PDE7B: variants seen among roughly 807,000 people sequenced by gnomAD.
The protein encoded by PDE7B is 3',5'-cyclic-AMP phosphodiesterase 7B.
PDE7B carries 29 observed loss-of-function variants against 56.2 expected under a neutral mutation model. The ratio of observed to expected loss-of-function variants is 0.52; its 90% CI spans 0.38 to 0.70. The LOEUF (loss-of-function observed/expected upper bound fraction) is 0.70, where lower values mean the gene tolerates loss of function less well. Ranked by LOEUF, PDE7B falls within the 30% of genes least tolerant of loss-of-function variation. The pLI, the probability that PDE7B is intolerant of heterozygous loss-of-function variation, is 0.00. For synonymous variants in PDE7B, 197 were observed against 196.9 expected, an observed-to-expected ratio of 1.00 and a Z score of 0.00; for missense variants, 490 against 565.0, an observed-to-expected ratio of 0.87 and a Z score of 1.35.
chr6:136,020,547 C>G (rs529363853), intron 2 of PDE7B, among the ~76,000 whole-genome samples: 1 of 152,156 alleles, frequency 6.6e-6, no homozygotes, highest in South Asian at 2.1e-4. Flanking sequence ...AGACAGGAGA[C>G]TGCTGATTAA....
intron 2 of PDE7B, among the ~76,000 whole-genome samples, chr6:135,948,879 A>T (rs1353341210): frequency 6.8e-6 from 1 of 146,484 alleles, no homozygotes; most frequent in East Asian, 1.9e-4. Flanking sequence ...AGATAGATAG[A>T]TAGATAGATA....
rs151265115 is a variant in PDE7B at position 136,165,844 on chromosome 6, T to C, written c.712-7953T>C. 9.3e-4 allele frequency among the ~76,000 whole-genome samples: 142 copies of C among 152,334 alleles called. 2 individuals are homozygous for C. Among genetic ancestry groups the C allele is most frequent in the East Asian group, 3.1e-3 (16 of 5,188 alleles). On this transcript the variant is annotated intron_variant, in intron 8 of 12. Coordinates refer to ENST00000308191, the MANE Select transcript of PDE7B (RefSeq NM_018945.4). ...AGTTATAAAGGAGGCTGAGAAATGC[T>C]GTCTTTCTTCTGAATAGCCATAAGC...
chr6:136,065,888 T>TA (rs1776926354), intron 2 of PDE7B, among the ~76,000 whole-genome samples: 1 of 152,250 alleles, frequency 6.6e-6, no homozygotes, highest in Non-Finnish European at 1.5e-5. Context: ...CTTTATTTTT[T>TA]ATCAGTTCTT....
At chr6:136,051,064 A>G (rs1236017712) in intron 2 of PDE7B, among the ~76,000 whole-genome samples, 1 of 151,994 alleles carries the variant, frequency 6.6e-6, no homozygotes, top group Non-Finnish European at 1.5e-5. Flanking sequence ...CATTAAAAAT[A>G]AGATCCTACT....
rs114829014 is a variant in PDE7B, at chr6:136,192,145, T to C, written c.*305T>C. 1.8e-3 allele frequency: 734 copies of C among 404,272 alleles called. 5 individuals carry two copies. The highest frequency in any genetic ancestry group is 0.014 in the African/African-American group (676 of 49,548). The allele number at this position is 404,272 out of a possible 1,614,324, so 25.0% of individuals were successfully genotyped here. A position where few individuals can be genotyped will look rare whatever the true frequency, so the allele number is the denominator to read the frequency against. On this transcript the variant is annotated 3_prime_UTR_variant, in exon 13 of 13. Coordinates refer to ENST00000308191, the MANE Select transcript of PDE7B (RefSeq NM_018945.4). ...GAGGAAGAATGAGGTGCTCCTGCCG[T>C]GTCCGCCTTGTTCCGGGTCGCACTG...
At chr6:136,134,734 CAAAAAAAAA>C (rs67667001) in intron 3 of PDE7B, among the ~76,000 whole-genome samples, 105 of 91,270 alleles carry the variant, frequency 1.2e-3, no homozygotes, top group African/African-American at 1.6e-3. Context: ...TTATGGTAGG[CAAAAAAAAA>C]AAAAAAAAAA....
intron 1 of PDE7B, among the ~76,000 whole-genome samples, chr6:135,899,078 T>C (rs1775952431): frequency 6.6e-6 from 1 of 152,150 alleles, no homozygotes; most frequent in Non-Finnish European, 1.5e-5. Flanking sequence ...GGAGTTCCCC[T>C]GCACAGTTCT....
chr6:136,126,887 A>G (rs1177928587), intron 3 of PDE7B, among the ~76,000 whole-genome samples: 1 of 152,142 alleles, frequency 6.6e-6, no homozygotes, highest in Non-Finnish European at 1.5e-5. Context: ...AAATCTCCCA[A>G]ATCGCCACTA....
intron 2 of PDE7B, among the ~76,000 whole-genome samples, chr6:136,096,875 C>G (rs887085427): frequency 2.6e-5 from 4 of 152,224 alleles, no homozygotes; most frequent in South Asian, 4.2e-4. Flanking sequence ...CTCTCTCTCT[C>G]TGTGTCTCTC....
intron 2 of PDE7B, among the ~76,000 whole-genome samples, chr6:136,005,046 G>A (rs531490817): frequency 1.0e-3 from 153 of 152,226 alleles, no homozygotes; most frequent in African/African-American, 3.6e-3. Flanking sequence ...CAGAAATAAC[G>A]CTGCATATCT....
At chr6:136,122,095 A>G (rs1777945004) in intron 3 of PDE7B, among the ~76,000 whole-genome samples, 1 of 151,882 alleles carries the variant, frequency 6.6e-6, no homozygotes, top group Non-Finnish European at 1.5e-5. Context: ...TCCCGGGTTC[A>G]CGCCACTCTC....
chr6:135,943,714 T>A (rs749498769), intron 1 of PDE7B, among the ~76,000 whole-genome samples: 1 of 152,164 alleles, frequency 6.6e-6, no homozygotes, highest in Non-Finnish European at 1.5e-5. Context: ...TCCACAGATA[T>A]TTAGTCTACC....
intron 3 of PDE7B, among the ~76,000 whole-genome samples, chr6:136,134,173 C>T (rs1369013543): frequency 6.6e-6 from 1 of 151,960 alleles, no homozygotes; most frequent in Non-Finnish European, 1.5e-5. Flanking sequence ...AGGGGTTAAT[C>T]CAATATCCTG....
At chr6:136,134,420 G>C (rs981573688) in intron 3 of PDE7B, among the ~76,000 whole-genome samples, 1 of 152,020 alleles carries the variant, frequency 6.6e-6, no homozygotes, top group Non-Finnish European at 1.5e-5. Context: ...ACCACAAACC[G>C]TTGCCCTCAA....
At chr6:136,150,656 C>T (rs1393045637) in intron 5 of PDE7B, among the ~76,000 whole-genome samples, 1 of 152,174 alleles carries the variant, frequency 6.6e-6, no homozygotes, top group East Asian at 1.9e-4. Context: ...AATTTTGCAT[C>T]TCTGCTGACT....
In PDE7B at chr6:136,181,230, G is replaced by A. The variant is rs778514785; in HGVS notation, c.952G>A (p.Ala318Thr). The change falls in exon 11 of 13, where the codon GCC becomes ACC. Residue 318 changes from alanine (A) to threonine (T), a missense_variant. By Grantham distance (58) the Ala-to-Thr change is moderately conservative. Coordinates refer to ENST00000308191, the MANE Select transcript of PDE7B (RefSeq NM_018945.4). ...AQDRHFMLQI[A>T]LKCADICNPC... ...TCCCCGCCCTGTCATTTCTCAGATC[G>A]CCTTGAAGTGTGCTGACATTTGCAA... The A allele has an allele frequency of 1.9e-5, 31 of 1,611,230 alleles. No homozygotes were observed. The highest frequency in any genetic ancestry group is 1.2e-4 in the South Asian group (11 of 91,014).
chr6:135,937,125 C>CT (rs1028869948), intron 1 of PDE7B, among the ~76,000 whole-genome samples: 7 of 152,304 alleles, frequency 4.6e-5, no homozygotes, highest in African/African-American at 1.7e-4. Flanking sequence ...TAGCAGAACC[C>CT]TTTTTCCACC....
At position 135,889,647 on chromosome 6, in the gene PDE7B, G is replaced by A. The variant is rs142404364; in HGVS notation, c.21+37628G>A. 3.9e-3 allele frequency among the ~76,000 whole-genome samples: 506 copies of A among 129,126 alleles called. 2 individuals are homozygous for A. Among genetic ancestry groups the A allele is most frequent in the African/African-American group, 0.014 (484 of 34,164 alleles). The allele number at this position is 129,126 out of a possible 152,430, so 84.7% of individuals were successfully genotyped here. A position where few individuals can be genotyped will look rare whatever the true frequency, so the allele number is the denominator to read the frequency against. ...GTAGAGACGGGGTTTTGCCTTGTTGGTCAGGCTGGTCTCGAACTCCTGACC... is the reference window on the plus strand; with the variant it reads ...GTAGAGACGGGGTTTTGCCTTGTTGATCAGGCTGGTCTCGAACTCCTGACC... On this transcript the variant is annotated intron_variant, in intron 1 of 12. Coordinates refer to ENST00000308191, the MANE Select transcript of PDE7B (RefSeq NM_018945.4).
intron 2 of PDE7B, among the ~76,000 whole-genome samples, chr6:136,107,983 T>A (rs1777675005): frequency 6.6e-6 from 1 of 151,892 alleles, no homozygotes; most frequent in South Asian, 2.1e-4. Flanking sequence ...AAAAATTAGC[T>A]AGGCATAGTG....
Sources: gnomAD v4.1 joint callset for allele counts (sites outside exome capture counted in the v4.1 genomes callset) on GRCh38, gnomAD v4.1.1 for gene constraint, MANE v1.5 for transcripts, NCBI Gene and HGNC (gene_info 2026-07-23, HGNC 2026-07-21) for gene names.